The following STK32C variants were observed in gnomAD, a reference collection of about 807,000 sequenced individuals.
The protein encoded by STK32C is serine/threonine-protein kinase 32C.
In STK32C, 31 loss-of-function variants were observed where a neutral mutation model predicts 56.5. The ratio of observed to expected loss-of-function variants is 0.55; its 90% CI spans 0.41 to 0.74. The LOEUF is 0.74. Ranked by LOEUF, STK32C falls within the 30% of genes least tolerant of loss-of-function variation. The probability of loss-of-function intolerance (pLI) is 0.00; values close to 1 mark genes in which losing one functional copy is unlikely to be tolerated. For synonymous variants in STK32C, 309 were observed against 289.4 expected, an observed-to-expected ratio of 1.07 and a Z score of -0.69; for missense variants, 544 against 676.9, an observed-to-expected ratio of 0.80 and a Z score of 2.18.
chr10:132,299,348 C>A lies in STK32C; in HGVS notation c.262+8224G>T, dbSNP rs976862798. ...AGCAAACTGAGACCCCAAGACAAGA[C>A]CCAGCAGCACAGACAGCTAATCCAC... On this transcript the variant is annotated intron_variant, in intron 1 of 11. Transcript: ENST00000298630. Among the ~76,000 whole-genome samples the A allele has an allele frequency of 4.0e-5, 6 of 151,852 alleles. No individual in the cohort carries two copies. The South Asian group carries it at 8.3e-4, about 21-fold the overall frequency.
chr10:132,299,017 T>G (rs560068365), intron 1 of STK32C, among the ~76,000 whole-genome samples: 1 of 152,282 alleles, frequency 6.6e-6, no homozygotes, highest in South Asian at 2.1e-4. Flanking sequence ...CTAGCAGAAC[T>G]GAGACCCCAG....
chr10:132,274,752 C>T (rs137984286), intron 1 of STK32C, among the ~76,000 whole-genome samples: 311 of 152,326 alleles, frequency 2.0e-3, no homozygotes, highest in African/African-American at 7.2e-3. Context: ...GAGATGTCCC[C>T]GAGTCCAAAG....
intron 1 of STK32C, among the ~76,000 whole-genome samples, chr10:132,290,653 CA>C (rs780409204): frequency 7.9e-5 from 12 of 152,234 alleles, no homozygotes; most frequent in Non-Finnish European, 1.6e-4. Context: ...AAGACCAAGC[CA>C]GTGTCCAGCA....
At chr10:132,241,026 C>A (rs1351126958) in intron 2 of STK32C, among the ~76,000 whole-genome samples, 1 of 152,262 alleles carries the variant, frequency 6.6e-6, no homozygotes. Flanking sequence ...CCGGCCTCTG[C>A]CCCTACAGAA....
intron 1 of STK32C, among the ~76,000 whole-genome samples, chr10:132,329,372 C>G (rs1473915123): frequency 2.0e-5 from 3 of 152,212 alleles, no homozygotes; most frequent in Admixed American, 6.5e-5. Flanking sequence ...CGAGATCACA[C>G]CGCTGAACTC....
Position 132,267,814 on chromosome 10 carries a change from C to CGT in STK32C, c.263-21861_263-21860dup, listed in dbSNP as rs1170278536. Among the ~76,000 whole-genome samples the CGT allele has an allele frequency of 1.9e-4, 15 of 78,028 alleles. 2 individuals carry two copies. Among genetic ancestry groups the CGT allele is most frequent in the Non-Finnish European group, 2.8e-4 (12 of 42,590 alleles). 51.2% of individuals were successfully genotyped at this position (78,028 alleles called of 152,430 possible). ...GCCTGTGTGCATGCATGTCCCACAT[C>CGT]GTGTGTGTGTGTGTCAGTGCGTGTG... On this transcript the variant is annotated intron_variant, in intron 1 of 11. Transcript: ENST00000298630.
upstream of STK32C, among the ~76,000 whole-genome samples, chr10:132,308,717 A>T (rs2066160769): frequency 6.6e-6 from 1 of 152,132 alleles, no homozygotes; most frequent in Admixed American, 6.5e-5. Flanking sequence ...CGCGTGCCCG[A>T]GTCGCCCAGG....
chr10:132,230,110 C>T (rs2063038317), intron 2 of STK32C, among the ~76,000 whole-genome samples: 1 of 152,084 alleles, frequency 6.6e-6, no homozygotes, highest in South Asian at 2.1e-4. Flanking sequence ...AGCCCGAGAA[C>T]AGACGGAGAC....
intron 1 of STK32C, among the ~76,000 whole-genome samples, chr10:132,297,105 C>T (rs911823022): frequency 2.6e-5 from 4 of 152,232 alleles, no homozygotes; most frequent in Admixed American, 2.0e-4. Context: ...AGCTTCTGGG[C>T]GGGTGACAGT....
At chr10:132,311,545 C>T (rs1194665094), upstream of STK32C, among the ~76,000 whole-genome samples, 5 of 152,212 alleles carry the variant, frequency 3.3e-5, no homozygotes, top group Non-Finnish European at 5.9e-5. This position sits in a 1 kb window ranked among gnomAD's most constrained non-coding sequence, Gnocchi z 4.4. Flanking sequence ...GGTCATGTGG[C>T]CACCTGGTGA....
At chr10:132,208,303 C>T in intron 11 of STK32C, 152 bp from the exon 12 acceptor site, 2 of 992,350 alleles carry the variant, frequency 2.0e-6, no homozygotes, top group Admixed American at 4.3e-5. Context: ...GCCATGCTCC[C>T]GATACACTGG....
At chr10:132,271,116 T>C (rs2064805393) in intron 1 of STK32C, among the ~76,000 whole-genome samples, 1 of 152,038 alleles carries the variant, frequency 6.6e-6, no homozygotes, top group Non-Finnish European at 1.5e-5. Flanking sequence ...CATTATCAGA[T>C]AGAAATACAG....
chr10:132,304,841 C>T (rs2066009798), intron 1 of STK32C, among the ~76,000 whole-genome samples: 1 of 152,276 alleles, frequency 6.6e-6, no homozygotes, highest in Non-Finnish European at 1.5e-5. Context: ...GGCCTGTCCA[C>T]TCCAGCCTTC....
At chr10:132,305,892 G>A (rs114009399) in intron 1 of STK32C, among the ~76,000 whole-genome samples, 17,156 of 152,188 alleles carry the variant, frequency 0.11, 1,283 homozygotes, top group African/African-American at 0.2. Flanking sequence ...GTTTGGGGAT[G>A]TGGCTGCATA....
chr10:132,274,389 T>C (rs1564766564), intron 1 of STK32C, among the ~76,000 whole-genome samples: 1 of 152,204 alleles, frequency 6.6e-6, no homozygotes, highest in Non-Finnish European at 1.5e-5. Flanking sequence ...TCCTATCTCA[T>C]GGTAAGTGCA....
At chr10:132,212,019 C>A (rs1013532480) in intron 10 of STK32C, among the ~76,000 whole-genome samples, 1 of 152,092 alleles carries the variant, frequency 6.6e-6, no homozygotes, top group African/African-American at 2.4e-5. Context: ...TCACCCACAG[C>A]GAGGAGGGGC....
chr10:132,242,315 A>G (rs895033813), intron 2 of STK32C, among the ~76,000 whole-genome samples: 1 of 151,728 alleles, frequency 6.6e-6, no homozygotes, highest in Non-Finnish European at 1.5e-5. Context: ...GAGTGGGGGG[A>G]GTGCAGCAGG....
At chr10:132,226,486 G>T (rs1484837292) in intron 4 of STK32C, among the ~76,000 whole-genome samples, 2 of 152,212 alleles carry the variant, frequency 1.3e-5, no homozygotes, top group African/African-American at 4.8e-5. Flanking sequence ...TCAGTTAAAT[G>T]GACCAGGTGA....
intron 1 of STK32C, among the ~76,000 whole-genome samples, chr10:132,251,113 T>C (rs1174898926): frequency 6.6e-6 from 1 of 152,154 alleles, no homozygotes; most frequent in African/African-American, 2.4e-5. Context: ...CTGCCTCCTA[T>C]CTGCCACAGG....
Sources: gnomAD v4.1 joint callset for allele counts (sites outside exome capture counted in the v4.1 genomes callset) on GRCh38, gnomAD v4.1.1 for gene constraint, Gnocchi (gnomAD v3.1) non-coding constraint, MANE v1.5 for transcripts, NCBI Gene and HGNC (gene_info 2026-07-23, HGNC 2026-07-21) for gene names.